The following HARS1 variants were observed in gnomAD, a reference collection of about 807,000 sequenced individuals.
HARS1 encodes histidine--tRNA ligase, cytoplasmic.
In HARS1, 45 loss-of-function variants were observed where a neutral mutation model predicts 63.6. That is an observed-to-expected ratio of 0.71 (90% confidence interval 0.56 to 0.91). The LOEUF (loss-of-function observed/expected upper bound fraction) is 0.91, where lower values mean the gene tolerates loss of function less well. HARS1 is among the 40% of genes least tolerant of loss of function. The pLI, the probability that HARS1 is intolerant of heterozygous loss-of-function variation, is 0.00. For missense variants in HARS1, 508 were observed against 643.2 expected, an observed-to-expected ratio of 0.79 and a Z score of 2.27; for synonymous variants, 205 against 247.1, an observed-to-expected ratio of 0.83 and a Z score of 1.60.
intron 10 of HARS1, chr5:140,675,625 G>A (rs777546460): frequency 1.3e-5 from 2 of 151,388 alleles, no homozygotes; most frequent in Non-Finnish European, 2.9e-5. Flanking sequence ...GCTGGTCCAT[G>A]TAGTACCTTA....
At chr5:140,690,770 T>C (rs1045086721) in intron 2 of HARS1, 85 bp downstream of exon 2, 2 of 814,110 alleles carry the variant, frequency 2.5e-6, no homozygotes, top group Non-Finnish European at 4.4e-6. Flanking sequence ...TCCTCCTCAA[T>C]GACCTGGTTT....
Position 140,690,892 on chromosome 5 carries a change from T to G in HARS1, c.143A>C (p.Asp48Ala). 1 of 1,610,448 alleles carries G rather than the reference T, an allele frequency of 6.2e-7. No homozygotes were observed. Among genetic ancestry groups the G allele is most frequent in the Non-Finnish European group, 8.5e-7 (1 of 1,176,626 alleles). ...LLKLKAQLGPDESKQKFVLKT... is the reference protein window; with the variant it reads ...LLKLKAQLGPAESKQKFVLKT... The stretch of plus-strand genomic sequence containing the variant: ...GAGCACAAATTTCTGTTTGCTTTCA[T>G]CAGGACCCAGCTGTGCCTTCAGTTT... Residue 48 changes from aspartate (D) to alanine (A), a missense_variant, in exon 2 of 13, where the codon GAT becomes GCT. Asp to Ala is a moderately radical substitution (Grantham distance 126, BLOSUM62 -2). Transcript: ENST00000504156.
intron 2 of HARS1, among the ~76,000 whole-genome samples, chr5:140,690,497 C>T (rs575489945): frequency 8.1e-4 from 123 of 152,292 alleles, no homozygotes; most frequent in African/African-American, 2.7e-3. Flanking sequence ...CTAAGTCTCT[C>T]TCCTTCAGTA....
intron 3 of HARS1, among the ~76,000 whole-genome samples, chr5:140,682,480 G>A (rs1758781013): frequency 6.6e-6 from 1 of 152,168 alleles, no homozygotes; most frequent in Non-Finnish European, 1.5e-5. Flanking sequence ...CCTGAGTAAA[G>A]AGTTTGGGTT....
At position 140,676,671 on chromosome 5, in the gene HARS1, C is replaced by T. The variant is rs192923161; in HGVS notation, c.1177G>A (p.Val393Met). The T allele has an allele frequency of 1.1e-5, 18 of 1,614,226 alleles. No individual in the cohort carries two copies. The East Asian group carries it at 2.0e-4, about 18-fold the overall frequency. ...SIGVERIFSIVEQRLEALEEK... is the reference protein window; with the variant it reads ...SIGVERIFSIMEQRLEALEEK... ...GGACCTACCTCTAGTCTCTGTTCCA[C>T]GATGGAGAAAATCCGCTCCACCCCA... Residue 393 changes from valine to methionine, a missense_variant, in exon 10 of 13, where the codon GTG becomes ATG. Val to Met is a conservative substitution (Grantham distance 21). Around this residue, in one of 2 missense-constraint regions of HARS1, gnomAD observed 403 missense variants for 548.7 expected, o/e 0.73. Coordinates refer to ENST00000504156, the MANE Select transcript of HARS1 (RefSeq NM_002109.6). This position sits in a 1 kb window ranked among gnomAD's most constrained non-coding sequence, Gnocchi z 4.1.
At chr5:140,678,181 C>T in intron 5 of HARS1, 166 bp from the exon 6 acceptor site, 1 of 601,270 alleles carries the variant, frequency 1.7e-6, no homozygotes. Flanking sequence ...TTGGGCTTCT[C>T]ACCAGTTTTG....
In HARS1 at chr5:140,676,511, T is replaced by C; in HGVS notation, c.1194+143A>G. ...AAACTTACATATAATGGGGTAGAAA[T>C]CTGTGAAAAAGAGCAATAATCTTTT... On this transcript the variant is annotated intron_variant, in intron 10 of 12. Coordinates refer to ENST00000504156, the MANE Select transcript of HARS1 (RefSeq NM_002109.6). This position sits in a 1 kb window ranked among gnomAD's most constrained non-coding sequence, Gnocchi z 4.1. The C allele has an allele frequency of 1.2e-6, 1 of 851,010 alleles. No individual in the cohort carries two copies. Among genetic ancestry groups the C allele is most frequent in the South Asian group, 1.7e-5 (1 of 59,934 alleles). The allele number at this position is 851,010 out of a possible 1,614,324, so 52.7% of individuals were successfully genotyped here. A position where few individuals can be genotyped will look rare whatever the true frequency, so the allele number is the denominator to read the frequency against.
chr5:140,682,230 T>A (rs1758770668), intron 3 of HARS1, among the ~76,000 whole-genome samples: 1 of 152,104 alleles, frequency 6.6e-6, no homozygotes, highest in Non-Finnish European at 1.5e-5. Context: ...TTTGTATTTT[T>A]TTTTTTTAAA....
chr5:140,689,877 C>G (rs1341393292), intron 2 of HARS1, among the ~76,000 whole-genome samples: 1 of 152,180 alleles, frequency 6.6e-6, no homozygotes, highest in Non-Finnish European at 1.5e-5. Flanking sequence ...CTCAGAATCT[C>G]CAACCTCATT....
At chr5:140,677,852 C>G in intron 6 of HARS1, 56 bp downstream of exon 6, 1 of 1,404,980 alleles carries the variant, frequency 7.1e-7, no homozygotes, top group South Asian at 1.2e-5. Context: ...GCACAAGGAT[C>G]TTCTCTTGTG....
At chr5:140,675,158 A>G in intron 10 of HARS1, 25 bp from the exon 11 acceptor site, 1 of 1,430,714 alleles carries the variant, frequency 7.0e-7, no homozygotes, top group Non-Finnish European at 9.9e-7. Flanking sequence ...GATAAAAGAG[A>G]GCTGGGCTAA....
Position 140,679,407 on chromosome 5 carries a change from C to T in HARS1, c.397-280G>A, listed in dbSNP as rs1019031371. On this transcript the variant is annotated intron_variant, in intron 4 of 12. Coordinates refer to ENST00000504156, the MANE Select transcript of HARS1 (RefSeq NM_002109.6). This position sits in a 1 kb window ranked among gnomAD's most constrained non-coding sequence, Gnocchi z 4.3. ...AGGTTGGCCACAGACCAGAAAAAGG[C>T]GACCAGAAAAAGGCCCCCATATGGG... is the stretch of plus-strand genomic sequence containing the variant. 2.0e-5 allele frequency: 8 copies of T among 404,050 alleles called. No homozygotes were observed. The highest frequency in any genetic ancestry group is 4.2e-5 in the Admixed American group (1 of 23,596). The allele number at this position is 404,050 out of a possible 1,614,324, so 25.0% of individuals were successfully genotyped here.
rs368715110 is a variant in HARS1, at chr5:140,677,302, G to A, written c.823+25C>T. 5 of 1,561,836 alleles carry A rather than the reference G, an allele frequency of 3.2e-6. No homozygotes were observed. The African/African-American group carries it at 4.1e-5, about 13-fold the overall frequency. ...GACTGAGGGCAGTGGGACGGCTGCT[G>A]GGGAGGCTTGGTTCTGTTCCTCACC... On this transcript the variant is annotated intron_variant, in intron 8 of 12. Transcript: ENST00000504156.
At chr5:140,682,506 T>A (rs906185616) in intron 3 of HARS1, among the ~76,000 whole-genome samples, 7 of 152,138 alleles carry the variant, frequency 4.6e-5, no homozygotes, top group African/African-American at 1.7e-4. Flanking sequence ...ATAAGTGCAG[T>A]GGGAATCACT....
Position 140,674,802 on chromosome 5 carries a change from GTTC to G in HARS1, c.1332_1334del (p.Lys444del), listed in dbSNP as rs756193571. The G allele has an allele frequency of 7.3e-5, 118 of 1,614,088 alleles. No homozygotes were observed. Among genetic ancestry groups the G allele is most frequent in the Non-Finnish European group, 9.2e-5 (109 of 1,180,046 alleles). ...ACTGTAACTGGTTCAGTAGCTTTGGGTTCTTCTTGTACAGCAGCTCAGCCTGCA... is the reference window on the plus strand; with the variant it reads ...ACTGTAACTGGTTCAGTAGCTTTGGGTTCTTGTACAGCAGCTCAGCCTGCA... On this transcript the variant is annotated inframe_deletion, in exon 12 of 13. Transcript: ENST00000504156.
chr5:140,688,721 C>T (rs1485718404), intron 2 of HARS1, among the ~76,000 whole-genome samples: 2 of 151,434 alleles, frequency 1.3e-5, no homozygotes, highest in Non-Finnish European at 2.9e-5. Flanking sequence ...TTAAAAAGGT[C>T]ATTTATTAAC....
chr5:140,679,763 CAA>C lies in HARS1; in HGVS notation c.396+23_396+24del, dbSNP rs1758607274. 1 of 1,324,264 alleles carries C rather than the reference CAA, an allele frequency of 7.6e-7. No homozygotes were observed. The highest frequency in any genetic ancestry group is 1.2e-5 in the South Asian group (1 of 82,774). 82.0% of individuals were successfully genotyped at this position (1,324,264 alleles called of 1,614,324 possible). A position where few individuals can be genotyped will look rare whatever the true frequency, so the allele number is the denominator to read the frequency against. The stretch of plus-strand genomic sequence containing the variant: ...GTGAGTGCCAATCCATCCAAAGTCT[CAA>C]GAGCCCAAGTTTAGAAAGATACAGT... On this transcript the variant is annotated intron_variant, in intron 4 of 12. Transcript: ENST00000504156. This position sits in a 1 kb window ranked among gnomAD's most constrained non-coding sequence, Gnocchi z 4.3.
At chr5:140,677,545 C>T in intron 7 of HARS1, 110 bp downstream of exon 7, 5 of 1,059,534 alleles carry the variant, frequency 4.7e-6, no homozygotes, top group African/African-American at 1.6e-5. Context: ...TGGGGCTAAC[C>T]TTCCTCTGGT....
chr5:140,679,115 G>A lies in HARS1; in HGVS notation c.409C>T (p.Arg137Trp), dbSNP rs1408800953. ...LRYDLTVPFA[R>W]YLAMNKLTNI... ...GTCAGTTTATTCATTGCCAAATACCGAGCAAAAGGAACCTGATGACAAAGA... is the reference window on the plus strand; with the variant it reads ...GTCAGTTTATTCATTGCCAAATACCAAGCAAAAGGAACCTGATGACAAAGA... The change falls in exon 5 of 13, where the codon CGG (arginine) becomes TGG (tryptophan). Residue 137 changes from arginine (R) to tryptophan (W), a missense_variant. Physicochemically the swap from Arg to Trp is moderately radical, Grantham distance 101 (BLOSUM62 -3). Around this residue, in one of 2 missense-constraint regions of HARS1, gnomAD observed 403 missense variants for 548.7 expected, o/e 0.73. Coordinates refer to ENST00000504156, the MANE Select transcript of HARS1 (RefSeq NM_002109.6). The surrounding 1 kb of genome is among the most constrained non-coding windows in gnomAD (Gnocchi z 4.3). The A allele has an allele frequency of 8.7e-6, 14 of 1,613,688 alleles. No homozygotes were observed. The highest frequency in any genetic ancestry group is 2.2e-5 in the East Asian group (1 of 44,880).
Sources: gnomAD v4.1 joint callset for allele counts (sites outside exome capture counted in the v4.1 genomes callset) on GRCh38, gnomAD v4.1.1 for gene constraint, gnomAD v4.1.1 regional missense constraint, Gnocchi (gnomAD v3.1) non-coding constraint, MANE v1.5 for transcripts, NCBI Gene and HGNC (gene_info 2026-07-23, HGNC 2026-07-21) for gene names.